TRMT9B: variants seen among roughly 807,000 people sequenced by gnomAD.
The protein encoded by TRMT9B is probable tRNA methyltransferase 9B.
In TRMT9B, 16 loss-of-function variants were observed where a neutral mutation model predicts 11.5. The observed-to-expected ratio is 1.39, with a 90% CI of 0.94 to 2.11. The LOEUF is 2.11. Ranked by LOEUF, TRMT9B falls within the 30% of genes most tolerant of loss-of-function variation. The pLI, the probability that TRMT9B is intolerant of heterozygous loss-of-function variation, is 0.00. For missense variants in TRMT9B, 941 were observed against 553.8 expected, an observed-to-expected ratio of 1.70 and a Z score of -7.02; for synonymous variants, 274 against 192.4, an observed-to-expected ratio of 1.42 and a Z score of -3.51.
intron 4 of TRMT9B, among the ~76,000 whole-genome samples, chr8:13,020,576 G>A (rs1057332036): frequency 2.0e-5 from 3 of 152,060 alleles, no homozygotes; most frequent in Non-Finnish European, 4.4e-5. Flanking sequence ...AGTACAAATT[G>A]TTCATTAAAA....
Position 13,028,405 on chromosome 8 carries a change from A to C in TRMT9B, c.*6361A>C, listed in dbSNP as rs1484545125. The C allele has an allele frequency of 6.0e-6, 1 of 167,028 alleles. No individual in the cohort carries two copies. The highest frequency in any genetic ancestry group is 1.5e-5 in the Non-Finnish European group (1 of 68,112). 10.3% of individuals were successfully genotyped at this position (167,028 alleles called of 1,614,324 possible). ...CACAGGAAAAATACATTTTCTCCAC[A>C]TGGAATATTGATTTTTCTATGAATA... On this transcript the variant is annotated 3_prime_UTR_variant, in exon 5 of 5. Coordinates refer to ENST00000524591, the MANE Select transcript of TRMT9B (RefSeq NM_020844.3).
chr8:12,984,046 C>T (rs185789770), intron 1 of TRMT9B, among the ~76,000 whole-genome samples: 3 of 152,248 alleles, frequency 2.0e-5, no homozygotes, highest in East Asian at 3.9e-4. Flanking sequence ...GTCACACAAC[C>T]GCAGATTGTC....
intron 1 of TRMT9B, chr8:12,961,976 A>T (rs1802178397): frequency 6.6e-6 from 1 of 152,248 alleles, no homozygotes; most frequent in Non-Finnish European, 1.5e-5. Flanking sequence ...AAAGACTTGG[A>T]TCAGAGACCA....
intron 4 of TRMT9B, among the ~76,000 whole-genome samples, chr8:13,018,757 A>T (rs796664930): frequency 6.6e-5 from 10 of 152,286 alleles, no homozygotes; most frequent in African/African-American, 2.4e-4. Flanking sequence ...AACTCATACC[A>T]ACAGCACTGC....
chr8:12,948,723 G>A (rs938966377), intron 1 of TRMT9B, among the ~76,000 whole-genome samples: 1 of 152,092 alleles, frequency 6.6e-6, no homozygotes, highest in African/African-American at 2.4e-5. Context: ...CACTTTGGGA[G>A]GCCAAGGCGG....
intron 2 of TRMT9B, among the ~76,000 whole-genome samples, chr8:12,998,035 C>G (rs142363917): frequency 1.3e-5 from 2 of 152,174 alleles, no homozygotes; most frequent in Non-Finnish European, 2.9e-5. Context: ...TCCTGCCCGT[C>G]TCCTGACCAT....
intron 2 of TRMT9B, among the ~76,000 whole-genome samples, chr8:13,005,009 A>G (rs1810173557): frequency 6.6e-6 from 1 of 151,472 alleles, no homozygotes; most frequent in Admixed American, 6.6e-5. Flanking sequence ...GCCTGGGGGA[A>G]CTTGCTACAG....
rs554583205 is a variant in TRMT9B, at chr8:12,961,567, G to A, written c.-200+15601G>A. Among the ~76,000 whole-genome samples the A allele has an allele frequency of 1.2e-3, 180 of 151,884 alleles. 1 individual carries two copies. Among genetic ancestry groups the A allele is most frequent in the African/African-American group, 4.1e-3 (170 of 41,420 alleles). ...ACACAAAAAATTAGCTGGGCGTGGT[G>A]GTGGGCGCCTGTAGTCCCAGCTACC... On this transcript the variant is annotated intron_variant, in intron 1 of 4. Coordinates refer to ENST00000524591, the MANE Select transcript of TRMT9B (RefSeq NM_020844.3).
intron 2 of TRMT9B, 98 bp from the exon 3 acceptor site, chr8:13,006,104 G>GT: frequency 1.7e-6 from 2 of 1,179,602 alleles, no homozygotes; most frequent in Non-Finnish European, 2.4e-6. Flanking sequence ...TGAGTTTGCA[G>GT]TTGTAGGCTC....
intron 3 of TRMT9B, chr8:13,006,697 T>G: frequency 7.7e-7 from 1 of 1,296,616 alleles, no homozygotes; most frequent in Non-Finnish European, 9.9e-7. Flanking sequence ...AGATGGAGTT[T>G]CACTCTTGTC....
chr8:12,961,132 T>A (rs1321514217), intron 1 of TRMT9B, among the ~76,000 whole-genome samples: 2 of 151,996 alleles, frequency 1.3e-5, no homozygotes, highest in East Asian at 1.9e-4. Flanking sequence ...AGAGTGAGAC[T>A]CCATCTCAAA....
intron 1 of TRMT9B, among the ~76,000 whole-genome samples, chr8:12,984,985 ACACT>A (rs1563361594): frequency 6.5e-4 from 84 of 128,994 alleles, no homozygotes; most frequent in African/African-American, 2.0e-3. Context: ...ACACACACAC[ACACT>A]CTCTCTCTCA....
chr8:12,973,383 A>G (rs1373272805), intron 1 of TRMT9B, among the ~76,000 whole-genome samples: 1 of 152,220 alleles, frequency 6.6e-6, no homozygotes, highest in Non-Finnish European at 1.5e-5. Flanking sequence ...AGGACCACAC[A>G]GAAAGCTGGA....
At chr8:12,968,482 T>C (rs976892251) in intron 1 of TRMT9B, among the ~76,000 whole-genome samples, 1 of 152,246 alleles carries the variant, frequency 6.6e-6, no homozygotes, top group African/African-American at 2.4e-5. Flanking sequence ...AAGAGCTACA[T>C]AGTTTTAAAT....
intron 2 of TRMT9B, among the ~76,000 whole-genome samples, chr8:13,004,803 C>G (rs536113709): frequency 6.6e-6 from 1 of 152,004 alleles, no homozygotes; most frequent in East Asian, 1.9e-4. Context: ...GGAAAGGGGA[C>G]TTTGCCTTGC....
At chr8:12,960,711 A>T (rs906077991) in intron 1 of TRMT9B, among the ~76,000 whole-genome samples, 2 of 152,250 alleles carry the variant, frequency 1.3e-5, no homozygotes, top group Non-Finnish European at 2.9e-5. Flanking sequence ...CCAGTCTGAA[A>T]AAGCCTAAAT....
In TRMT9B at chr8:13,021,479, G is replaced by A. The variant is rs1319356927; in HGVS notation, c.800G>A (p.Arg267Lys). The part of the protein sequence containing the change: ...DESTLRKQIE[R>K]VRPLKNTEVW... The stretch of plus-strand genomic sequence containing the variant: ...TCGACTCTGAGGAAGCAAATTGAAA[G>A]AGTAAGACCCTTGAAAAACACAGAA... Residue 267 changes from arginine to lysine, a missense_variant, in exon 5 of 5, where the codon AGA (arginine) becomes AAA (lysine). Coordinates refer to ENST00000524591, the MANE Select transcript of TRMT9B (RefSeq NM_020844.3). 1.2e-6 allele frequency: 2 copies of A among 1,613,896 alleles called. No homozygotes were observed. The highest frequency in any genetic ancestry group is 3.3e-5 in the Admixed American group (2 of 60,004).
chr8:12,969,231 A>G (rs989956611), intron 1 of TRMT9B, among the ~76,000 whole-genome samples: 2 of 150,466 alleles, frequency 1.3e-5, no homozygotes, highest in Admixed American at 6.6e-5. Context: ...AACAAACAAA[A>G]TACTGAAAGG....
At chr8:12,972,163 A>C (rs1803735590) in intron 1 of TRMT9B, among the ~76,000 whole-genome samples, 1 of 152,200 alleles carries the variant, frequency 6.6e-6, no homozygotes, top group Non-Finnish European at 1.5e-5. Context: ...GGAACAAATG[A>C]GGCAGGATGG....
Sources: allele counts gnomAD v4.1 joint callset (sites outside exome capture counted in the v4.1 genomes callset), GRCh38; gene constraint gnomAD v4.1.1; transcripts MANE v1.5; gene names NCBI Gene and HGNC (gene_info 2026-07-23, HGNC 2026-07-21).